PCDH15: variants seen among roughly 807,000 people sequenced by gnomAD.
PCDH15 encodes the protein protocadherin-15.
A neutral mutation model predicts 178.5 loss-of-function variants in PCDH15; 129 were observed. The ratio of observed to expected loss-of-function variants is 0.72; its 90% CI spans 0.63 to 0.84. The LOEUF is 0.84. Ranked by LOEUF, PCDH15 falls within the 40% of genes least tolerant of loss-of-function variation. PCDH15 has a pLI of 0.00. For missense variants in PCDH15, 2,230 were observed against 2,099.9 expected (o/e 1.06, Z -1.21); for synonymous variants, 800 against 732.0 (o/e 1.09, Z -1.50).
chr10:54,871,312 T>C (rs1954035676), intron 3 of PCDH15, among the ~76,000 whole-genome samples: 1 of 151,972 alleles, frequency 6.6e-6, no homozygotes, highest in African/African-American at 2.4e-5. Flanking sequence ...TGTCACAGAA[T>C]ATTTGTATAT....
At chr10:54,776,469 C>G (rs929536221) in intron 1 of PCDH15, among the ~76,000 whole-genome samples, 4 of 151,876 alleles carry the variant, frequency 2.6e-5, no homozygotes, top group Non-Finnish European at 5.9e-5. Flanking sequence ...CAGTTCATAC[C>G]TGTAGCCTCA....
intron 2 of PCDH15, among the ~76,000 whole-genome samples, chr10:55,443,136 A>G (rs1053349811): frequency 1.3e-5 from 2 of 152,158 alleles, no homozygotes; most frequent in Non-Finnish European, 2.9e-5. Context: ...TACAAAAATT[A>G]ACTCAAGATG....
At chr10:53,808,640 C>A (rs1047307888) in intron 37 of PCDH15, 1 of 1,566,838 alleles carries the variant, frequency 6.4e-7, no homozygotes, top group African/African-American at 1.3e-5. Context: ...ACAGAAGGCA[C>A]TGCACACGAG....
intron 2 of PCDH15, chr10:54,607,134 A>G (rs992955660): frequency 1.3e-5 from 2 of 152,124 alleles, no homozygotes; most frequent in African/African-American, 4.8e-5. Flanking sequence ...GCAATTTTAA[A>G]AAATTAAAAT....
chr10:54,969,519 T>G (rs2131892314), intron 2 of PCDH15, among the ~76,000 whole-genome samples: 1 of 152,342 alleles, frequency 6.6e-6, no homozygotes, highest in East Asian at 1.9e-4. Context: ...CTTAGATGTC[T>G]GTGCCAATCA....
At chr10:54,640,265 A>G (rs1049310656) in intron 2 of PCDH15, among the ~76,000 whole-genome samples, 35 of 152,196 alleles carry the variant, frequency 2.3e-4, no homozygotes, top group African/African-American at 8.2e-4. Context: ...AAAATGTAAA[A>G]ATTGGAAATT....
intron 1 of PCDH15, among the ~76,000 whole-genome samples, chr10:54,731,571 C>A (rs71502101): frequency 1.0e-5 from 1 of 98,426 alleles, no homozygotes; most frequent in Admixed American, 1.0e-4. Flanking sequence ...TATACACACA[C>A]ACACACACAC....
Position 54,117,573 on chromosome 10 carries a change from A to G in PCDH15, c.1917+15302T>C, listed in dbSNP as rs577165140. On this transcript the variant is annotated intron_variant, in intron 15 of 37. Transcript: ENST00000644397. ...CCAGCAGGTCCTGAGTTTTTTTCCTACATCTAGGAAGAATGAGGTACATAG... is the reference window on the plus strand; with the variant it reads ...CCAGCAGGTCCTGAGTTTTTTTCCTGCATCTAGGAAGAATGAGGTACATAG... 2.0e-5 allele frequency among the ~76,000 whole-genome samples: 3 copies of G among 152,060 alleles called. No homozygotes were observed. In the East Asian group the frequency reaches 5.8e-4, roughly 30 times the overall value.
At chr10:54,415,882 G>A (rs1336597454) in intron 3 of PCDH15, among the ~76,000 whole-genome samples, 1 of 152,138 alleles carries the variant, frequency 6.6e-6, no homozygotes, top group African/African-American at 2.4e-5. Context: ...CAAATCATTT[G>A]ATCCAAATGG....
Position 55,613,718 on chromosome 10 carries a change from T to G in PCDH15, c.-156+13907A>C, listed in dbSNP as rs1207501207. On this transcript the variant is annotated intron_variant, in intron 2 of 5. Transcript: ENST00000613346. ...CCCTAGTATTATTTTTTTCTTACTC[T>G]CTAGAAAGTCATAGCCTCGTAGCTC... 3.3e-5 allele frequency among the ~76,000 whole-genome samples: 5 copies of G among 152,266 alleles called. No individual in the cohort carries two copies. In the East Asian group the frequency reaches 9.6e-4, roughly 29 times the overall value.
intron 3 of PCDH15, among the ~76,000 whole-genome samples, chr10:54,430,450 A>G (rs1956831051): frequency 6.6e-6 from 1 of 152,214 alleles, no homozygotes; most frequent in African/African-American, 2.4e-5. Flanking sequence ...AAAAAAATTG[A>G]AATATCAAGC....
chr10:55,509,235 G>A (rs1840827351), intron 2 of PCDH15, among the ~76,000 whole-genome samples: 3 of 151,748 alleles, frequency 2.0e-5, no homozygotes, highest in Non-Finnish European at 4.4e-5. Flanking sequence ...TTAGGATATA[G>A]TAAATAGTAA....
chr10:54,330,559 GA>G (rs60064028), intron 6 of PCDH15, among the ~76,000 whole-genome samples: 4 of 150,654 alleles, frequency 2.7e-5, no homozygotes, highest in South Asian at 2.1e-4. Flanking sequence ...CATTATTGTG[GA>G]AAAAAAAATC....
chr10:55,218,443 A>G (rs1002898837), intron 1 of PCDH15, among the ~76,000 whole-genome samples: 3 of 152,022 alleles, frequency 2.0e-5, no homozygotes, highest in African/African-American at 7.2e-5. Flanking sequence ...AGTGGTTCAC[A>G]TTATTATTTT....
intron 1 of PCDH15, among the ~76,000 whole-genome samples, chr10:55,232,515 T>A (rs1381399587): frequency 7.9e-5 from 12 of 152,152 alleles, no homozygotes; most frequent in Non-Finnish European, 2.9e-5. Flanking sequence ...TCCTGGAACT[T>A]ACATCTTTGT....
At chr10:54,626,570 G>T (rs2093556969) in intron 2 of PCDH15, among the ~76,000 whole-genome samples, 1 of 152,210 alleles carries the variant, frequency 6.6e-6, no homozygotes, top group Non-Finnish European at 1.5e-5. Context: ...CAGAAGTCAA[G>T]AATTGAGTTT....
In PCDH15 at chr10:55,201,930, TAA is replaced by T. The variant is rs538031550; in HGVS notation, c.-155-35281_-155-35280del. On this transcript the variant is annotated intron_variant, in intron 1 of 5. Coordinates refer to the PCDH15 transcript ENST00000458638. ...TTCTGTGCTGCACTTTCAAAGAATT[TAA>T]AGTTTTTCATTTTTTCCCCCTAGGT... Among the ~76,000 whole-genome samples, 10 of 152,302 alleles carry T rather than the reference TAA, an allele frequency of 6.6e-5. No individual in the cohort carries two copies. In the South Asian group the frequency reaches 2.1e-3, roughly 32 times the overall value.
chr10:54,268,031 C>G (rs1489228926), intron 8 of PCDH15, among the ~76,000 whole-genome samples: 6 of 151,902 alleles, frequency 3.9e-5, no homozygotes, highest in African/African-American at 1.4e-4. Context: ...TCAACCTATA[C>G]TACAAGGCTA....
intron 2 of PCDH15, among the ~76,000 whole-genome samples, chr10:55,539,270 C>A (rs1295360397): frequency 6.6e-6 from 1 of 151,972 alleles, no homozygotes; most frequent in Admixed American, 6.6e-5. Flanking sequence ...GAAAGCTGAG[C>A]CACACCAGTT....
Sources: gnomAD v4.1 joint callset for allele counts (sites outside exome capture counted in the v4.1 genomes callset) on GRCh38, gnomAD v4.1.1 for gene constraint, MANE v1.5 for transcripts, NCBI Gene and HGNC (gene_info 2026-07-23, HGNC 2026-07-21) for gene names.